ELP4: variants seen among roughly 807,000 people sequenced by gnomAD.
ELP4 encodes elongator acetyltransferase complex subunit 4, also known as elongator complex protein 4.
In ELP4, 51 loss-of-function variants were observed where a neutral mutation model predicts 48.9. That is an observed-to-expected ratio of 1.04 (90% confidence interval 0.83 to 1.32). The LOEUF is 1.32. Among genes scored for constraint, ELP4 ranks in the 40% most tolerant of loss-of-function variants. The pLI, the probability that ELP4 is intolerant of heterozygous loss-of-function variation, is 0.00. For synonymous variants in ELP4, 210 were observed against 189.2 expected (o/e 1.11, Z -0.90); for missense variants, 519 against 514.6 (o/e 1.01, Z -0.08).
intron 3 of ELP4, among the ~76,000 whole-genome samples, chr11:31,591,585 AAATAAT>A (rs1191524060): frequency 2.0e-5 from 3 of 152,066 alleles, no homozygotes; most frequent in Non-Finnish European, 4.4e-5. Context: ...AGCTATTTAA[AAATAAT>A]AATAATAATA....
intron 9 of ELP4, among the ~76,000 whole-genome samples, chr11:31,712,240 A>G (rs1470720598): frequency 6.6e-6 from 1 of 152,158 alleles, no homozygotes; most frequent in Non-Finnish European, 1.5e-5. Context: ...AAATGTTATT[A>G]GTGTGGAAGT....
At chr11:31,544,588 A>G (rs1216539896) in intron 3 of ELP4, among the ~76,000 whole-genome samples, 1 of 152,174 alleles carries the variant, frequency 6.6e-6, no homozygotes, top group Non-Finnish European at 1.5e-5. Flanking sequence ...AGACAAACAA[A>G]AAGACAGCAG....
At chr11:31,746,279 C>T (rs960799339) in intron 9 of ELP4, among the ~76,000 whole-genome samples, 13 of 152,186 alleles carry the variant, frequency 8.5e-5, no homozygotes, top group African/African-American at 2.9e-4. Flanking sequence ...AACACTTTTA[C>T]ACTGTTGGTG....
chr11:31,635,096 T>C (rs1002696732), intron 7 of ELP4, among the ~76,000 whole-genome samples: 1 of 152,142 alleles, frequency 6.6e-6, no homozygotes, highest in East Asian at 1.9e-4. Flanking sequence ...GGAGAAAATA[T>C]AAAACTTGTA....
At chr11:31,572,583 G>A (rs1016434630) in intron 3 of ELP4, among the ~76,000 whole-genome samples, 2 of 152,154 alleles carry the variant, frequency 1.3e-5, no homozygotes, top group Non-Finnish European at 2.9e-5. Flanking sequence ...GAGAGGATAT[G>A]TTTATAGAGA....
chr11:31,688,569 A>G (rs1246327539), intron 9 of ELP4, among the ~76,000 whole-genome samples: 2 of 152,180 alleles, frequency 1.3e-5, no homozygotes, highest in Non-Finnish European at 2.9e-5. Flanking sequence ...ATTAATGTCA[A>G]AGATTTCATG....
intron 7 of ELP4, chr11:31,633,182 G>C (rs1944900767): frequency 6.6e-6 from 1 of 151,996 alleles, no homozygotes; most frequent in Non-Finnish European, 1.5e-5. Context: ...TAGTATCTCT[G>C]TTCCAACATA....
chr11:31,709,674 A>C (rs972603478), intron 9 of ELP4, among the ~76,000 whole-genome samples: 6 of 152,182 alleles, frequency 3.9e-5, no homozygotes, highest in Admixed American at 3.3e-4. Flanking sequence ...ATAAAATAAG[A>C]TAATAATAAA....
At chr11:31,536,778 CTT>C (rs1470509727) in intron 2 of ELP4, among the ~76,000 whole-genome samples, 3 of 152,068 alleles carry the variant, frequency 2.0e-5, no homozygotes, top group Non-Finnish European at 4.4e-5. Flanking sequence ...ATTCATGTAT[CTT>C]TTTTTGTAAA....
At chr11:31,577,325 G>A (rs555191974) in intron 3 of ELP4, among the ~76,000 whole-genome samples, 5 of 152,242 alleles carry the variant, frequency 3.3e-5, no homozygotes, top group Admixed American at 2.6e-4. Context: ...TCCAGGACCC[G>A]ATGGATTAAC....
Position 31,647,775 on chromosome 11 carries a change from C to G in ELP4, c.962C>G (p.Ser321Ter). The G allele has an allele frequency of 6.2e-7, 1 of 1,609,474 alleles. No homozygotes were observed. Among genetic ancestry groups the G allele is most frequent in the Non-Finnish European group, 8.5e-7 (1 of 1,176,776 alleles). Residue 321 changes from serine (S) to a stop codon, truncating the protein, a stop_gained, in exon 8 of 10, where the codon TCA (serine) becomes TGA (stop). Coordinates refer to ENST00000640961, the MANE Select transcript of ELP4 (RefSeq NM_019040.5). LOFTEE classifies it high-confidence loss of function. ...ATTATTGCCCGTGTCACAACCTTGTCAGATGTAGTAGTTGGTCTGGAATCA... is the reference window on the plus strand; with the variant it reads ...ATTATTGCCCGTGTCACAACCTTGTGAGATGTAGTAGTTGGTCTGGAATCA... ...KAIIARVTTL[S>*]DVVVGLESFI...
chr11:31,650,162 G>A lies in ELP4; in HGVS notation c.1084G>A (p.Asp362Asn). 6.5e-7 allele frequency: 1 copy of A among 1,537,354 alleles called. No homozygotes were observed. ...QIPRLNNLICDESDVKDLAFK... is the reference protein window; with the variant it reads ...QIPRLNNLICNESDVKDLAFK... ...TCCTCGGCTTAATAACTTGATCTGT[G>A]ATGAATCAGATGTCAAAGACTTAGC... The change falls in exon 9 of 10, where the codon GAT (aspartate) becomes AAT (asparagine). Residue 362 changes from aspartate to asparagine, a missense_variant. By Grantham distance (23) the Asp-to-Asn change is conservative (BLOSUM62 1). Transcript: ENST00000640961.
intron 1 of ELP4, among the ~76,000 whole-genome samples, chr11:31,513,413 T>C (rs947869561): frequency 6.6e-6 from 1 of 152,180 alleles, no homozygotes; most frequent in Non-Finnish European, 1.5e-5. Context: ...GATCCAGCAT[T>C]AATTAAGTAG....
At chr11:31,690,126 AC>A (rs1946245996) in intron 9 of ELP4, among the ~76,000 whole-genome samples, 1 of 152,180 alleles carries the variant, frequency 6.6e-6, no homozygotes, top group Non-Finnish European at 1.5e-5. Context: ...CATGTGAAAG[AC>A]CTGAGGCTCA....
intron 3 of ELP4, among the ~76,000 whole-genome samples, chr11:31,567,982 C>A (rs1201536593): frequency 2.6e-5 from 4 of 152,110 alleles, no homozygotes; most frequent in Non-Finnish European, 5.9e-5. Context: ...GACTCTTCTT[C>A]TTATTAAAGA....
chr11:31,701,292 AG>A (rs2134156853), intron 9 of ELP4, among the ~76,000 whole-genome samples: 1 of 152,222 alleles, frequency 6.6e-6, no homozygotes, highest in East Asian at 1.9e-4. Context: ...GTCCATTTTG[AG>A]GACTTAATAT....
At chr11:31,753,505 G>T (rs1268572439) in intron 9 of ELP4, among the ~76,000 whole-genome samples, 1 of 152,190 alleles carries the variant, frequency 6.6e-6, no homozygotes, top group African/African-American at 2.4e-5. Context: ...AAAGAAGTAA[G>T]AGAAACAGGA....
intron 3 of ELP4, among the ~76,000 whole-genome samples, chr11:31,542,886 G>T (rs542790193): frequency 6.6e-6 from 1 of 152,224 alleles, no homozygotes; most frequent in Non-Finnish European, 1.5e-5. Flanking sequence ...TTTATTACAA[G>T]TATATTATAA....
chr11:31,519,539 G>A (rs769964837), intron 1 of ELP4, among the ~76,000 whole-genome samples: 5 of 152,108 alleles, frequency 3.3e-5, no homozygotes, highest in African/African-American at 7.2e-5. Flanking sequence ...ATTTTAGGCC[G>A]GGCCTGGTGG....
Sources: allele counts gnomAD v4.1 joint callset (sites outside exome capture counted in the v4.1 genomes callset), GRCh38; gene constraint gnomAD v4.1.1; transcripts MANE v1.5; gene names NCBI Gene and HGNC (gene_info 2026-07-23, HGNC 2026-07-21).